SPMIP2: variants seen among roughly 807,000 people sequenced by gnomAD.
SPMIP2 encodes sperm microtubule inner protein 2.
At chr4:158,954,258 T>C in the SPMIP2 span, among the ~76,000 whole-genome samples, 1 of 152,170 alleles carries the variant, frequency 6.6e-6, no homozygotes, top group Non-Finnish European at 1.5e-5. Flanking sequence ...ACTGTTCTCG[T>C]GGTAGTGAAT....
the SPMIP2 span, among the ~76,000 whole-genome samples, chr4:158,959,016 A>G: frequency 6.6e-6 from 1 of 152,152 alleles, no homozygotes; most frequent in African/African-American, 2.4e-5. Context: ...TGAATCTGCA[A>G]TCTCCTAAAT....
At chr4:158,909,842 A>C in the SPMIP2 span, among the ~76,000 whole-genome samples, 1 of 152,156 alleles carries the variant, frequency 6.6e-6, no homozygotes, top group Non-Finnish European at 1.5e-5. Flanking sequence ...GGAGATCGAG[A>C]CCATCCTGGC....
chr4:158,971,565 A>C, the SPMIP2 span, among the ~76,000 whole-genome samples: 1 of 152,228 alleles, frequency 6.6e-6, no homozygotes, highest in Non-Finnish European at 1.5e-5. Flanking sequence ...CAACCACAAC[A>C]GTACTAATAG....
At chr4:159,002,768 A>G in the SPMIP2 span, among the ~76,000 whole-genome samples, 1 of 134,958 alleles carries the variant, frequency 7.4e-6, no homozygotes, top group African/African-American at 3.4e-5. Flanking sequence ...ATATCACTGC[A>G]CACACACACA....
chr4:158,921,860 C>G, the SPMIP2 span, among the ~76,000 whole-genome samples: 1 of 150,820 alleles, frequency 6.6e-6, no homozygotes, highest in Non-Finnish European at 1.5e-5. Flanking sequence ...CAGTGATAAA[C>G]CTGGCTCCCA....
At chr4:158,907,819 C>T in the SPMIP2 span, 1 of 152,116 alleles carries the variant, frequency 6.6e-6, no homozygotes, top group Non-Finnish European at 1.5e-5. Context: ...AACGATATAT[C>T]TTGAAAGTGA....
At chr4:159,024,982 A>G in the SPMIP2 span, among the ~76,000 whole-genome samples, 1 of 152,184 alleles carries the variant, frequency 6.6e-6, no homozygotes, top group Non-Finnish European at 1.5e-5. Flanking sequence ...CCCATTAAAT[A>G]CCCTATGAAG....
At chr4:159,021,794 T>C in the SPMIP2 span, among the ~76,000 whole-genome samples, 15 of 152,330 alleles carry the variant, frequency 9.8e-5, no homozygotes, top group African/African-American at 3.6e-4. Context: ...TTTGTATCCA[T>C]GCAGACAAAA....
the SPMIP2 span, among the ~76,000 whole-genome samples, chr4:159,073,772 C>A: frequency 3.9e-5 from 6 of 152,038 alleles, no homozygotes; most frequent in Non-Finnish European, 7.4e-5. Flanking sequence ...GAGGCTAGGG[C>A]GGGAGGATCA....
chr4:158,903,335 A>G, the SPMIP2 span, among the ~76,000 whole-genome samples: 1 of 152,194 alleles, frequency 6.6e-6, no homozygotes, highest in East Asian at 1.9e-4. Flanking sequence ...CAATGAGATG[A>G]GCCGGGTACA....
chr4:158,939,111 G>A, the SPMIP2 span, among the ~76,000 whole-genome samples: 2 of 152,216 alleles, frequency 1.3e-5, no homozygotes, highest in Non-Finnish European at 2.9e-5. Context: ...ACACAGGGAA[G>A]GAAGGAGGAC....
chr4:159,047,893 G>A, the SPMIP2 span, among the ~76,000 whole-genome samples: 1 of 152,146 alleles, frequency 6.6e-6, no homozygotes, highest in Admixed American at 6.5e-5. Context: ...ATAAGAAGAC[G>A]GGGTTTCAAA....
chr4:159,071,800 AAG>A, the SPMIP2 span, among the ~76,000 whole-genome samples: 59,167 of 151,794 alleles, frequency 0.39, 11,774 homozygotes, highest in African/African-American at 0.46. Context: ...GATGTCAGAA[AAG>A]AGAGAGAGAT....
chr4:159,024,248 AC>A, the SPMIP2 span, among the ~76,000 whole-genome samples: 2 of 152,342 alleles, frequency 1.3e-5, no homozygotes, highest in African/African-American at 4.8e-5. Flanking sequence ...ATTCTTGAAG[AC>A]ATGGATAATC....
At chr4:159,051,435 A>G in the SPMIP2 span, among the ~76,000 whole-genome samples, 4 of 152,214 alleles carry the variant, frequency 2.6e-5, no homozygotes, top group Non-Finnish European at 5.9e-5. Flanking sequence ...CTCTCCCCAC[A>G]GTGCCTGGTA....
chr4:159,016,059 C>A, the SPMIP2 span, among the ~76,000 whole-genome samples: 1 of 152,078 alleles, frequency 6.6e-6, no homozygotes, highest in Non-Finnish European at 1.5e-5. Flanking sequence ...GCAGGACTTA[C>A]GACAGACTGA....
At chr4:158,968,992 T>C in the SPMIP2 span, among the ~76,000 whole-genome samples, 40,726 of 152,052 alleles carry the variant, frequency 0.27, 6,186 homozygotes, top group Middle Eastern at 0.33. Flanking sequence ...AATATGTTGA[T>C]GAGTTCCCAC....
At chr4:158,902,554 G>A in the SPMIP2 span, among the ~76,000 whole-genome samples, 1 of 151,866 alleles carries the variant, frequency 6.6e-6, no homozygotes, top group Non-Finnish European at 1.5e-5. Flanking sequence ...ATCAGGCAGG[G>A]ATGTTTAAGT....
the SPMIP2 span, among the ~76,000 whole-genome samples, chr4:159,029,536 A>G: frequency 6.6e-6 from 1 of 152,240 alleles, no homozygotes; most frequent in Non-Finnish European, 1.5e-5. Flanking sequence ...AAAGCTAAAT[A>G]AATTCCAAGA....
Sources: gnomAD v4.1 joint callset for allele counts (sites outside exome capture counted in the v4.1 genomes callset) on GRCh38, gnomAD v4.1.1 for gene constraint, MANE v1.5 for transcripts, NCBI Gene and HGNC (gene_info 2026-07-23, HGNC 2026-07-21) for gene names.